Variants in GRM5 observed in about 807,000 individuals in gnomAD.
GRM5 encodes metabotropic glutamate receptor 5.
GRM5 carries 19 observed loss-of-function variants against 83.1 expected under a neutral mutation model. The ratio of observed to expected loss-of-function variants is 0.23; its 90% confidence interval spans 0.16 to 0.34. The LOEUF (loss-of-function observed/expected upper bound fraction) is 0.34, where lower values mean the gene tolerates loss of function less well. GRM5 is among the 10% of genes least tolerant of loss of function. The pLI is 1.00. For synonymous variants in GRM5, 675 were observed against 633.6 expected, an observed-to-expected ratio of 1.07 and a Z score of -0.98; for missense variants, 1,160 against 1,588.3, an observed-to-expected ratio of 0.73 and a Z score of 4.58.
intron 3 of GRM5, among the ~76,000 whole-genome samples, chr11:88,716,098 CA>C (rs1370283144): frequency 4.6e-5 from 7 of 151,634 alleles, no homozygotes; most frequent in Admixed American, 1.3e-4. Context: ...AGCATTAAGG[CA>C]AAAAAAGGAT....
intron 3 of GRM5, among the ~76,000 whole-genome samples, chr11:88,758,443 A>G (rs1942441897): frequency 6.6e-6 from 1 of 152,230 alleles, no homozygotes; most frequent in Admixed American, 6.5e-5. Flanking sequence ...TGCAATTGCA[A>G]GTACTATCAA....
chr11:88,990,202 T>C (rs1362009256), intron 2 of GRM5, among the ~76,000 whole-genome samples: 24 of 150,826 alleles, frequency 1.6e-4, no homozygotes, highest in African/African-American at 5.4e-4. Context: ...CCCACAGAAA[T>C]ACAAACTACC....
chr11:88,673,447 G>T (rs1315430803), intron 3 of GRM5, among the ~76,000 whole-genome samples: 2 of 151,844 alleles, frequency 1.3e-5, no homozygotes, highest in African/African-American at 2.4e-5. Context: ...TGAAACGCTT[G>T]TGAAACAATC....
intron 8 of GRM5, among the ~76,000 whole-genome samples, chr11:88,542,077 GGAGTCAATTAAAC>G (rs1265828904): frequency 1.3e-5 from 2 of 152,150 alleles, no homozygotes; most frequent in Non-Finnish European, 1.5e-5. Flanking sequence ...TGTGGAACTG[GGAGTCAATTAAAC>G]CTCTTTCCTT....
At chr11:88,553,513 A>T (rs1373139495) in intron 8 of GRM5, among the ~76,000 whole-genome samples, 5 of 152,168 alleles carry the variant, frequency 3.3e-5, no homozygotes, top group African/African-American at 1.2e-4. Context: ...CTAATGGGCC[A>T]AGTGTGGTCC....
intron 6 of GRM5, among the ~76,000 whole-genome samples, chr11:88,591,123 C>T (rs1301889413): frequency 6.6e-6 from 1 of 152,204 alleles, no homozygotes; most frequent in Admixed American, 6.5e-5. Flanking sequence ...ACCTTAGCTT[C>T]CTTCCCTCCA....
chr11:88,550,793 C>T (rs553615087), intron 8 of GRM5, among the ~76,000 whole-genome samples: 2 of 152,268 alleles, frequency 1.3e-5, no homozygotes, highest in South Asian at 4.1e-4. Flanking sequence ...TCAATACTGA[C>T]ATTTCATTGA....
At chr11:88,580,400 C>T (rs1335832097) in intron 7 of GRM5, among the ~76,000 whole-genome samples, 4 of 152,172 alleles carry the variant, frequency 2.6e-5, no homozygotes, top group African/African-American at 9.7e-5. Context: ...CTCTGGAGCA[C>T]TTCAGCACAA....
chr11:89,010,364 C>A (rs561094162), intron 2 of GRM5, among the ~76,000 whole-genome samples: 1 of 152,228 alleles, frequency 6.6e-6, no homozygotes, highest in East Asian at 1.9e-4. Flanking sequence ...TCAAATCTTA[C>A]AGCAAATTCA....
intron 4 of GRM5, among the ~76,000 whole-genome samples, chr11:88,626,763 T>C (rs1938808163): frequency 6.6e-6 from 1 of 152,174 alleles, no homozygotes; most frequent in Non-Finnish European, 1.5e-5. Context: ...AGCCTGTTCA[T>C]GATAGGGTTA....
chr11:89,013,741 G>A (rs571015343), intron 2 of GRM5, among the ~76,000 whole-genome samples: 16 of 152,246 alleles, frequency 1.1e-4, no homozygotes, highest in African/African-American at 3.6e-4. Context: ...ACTGAGAAAT[G>A]GTTTTTACAA....
chr11:88,773,717 C>T (rs942628719), intron 3 of GRM5, among the ~76,000 whole-genome samples: 5 of 152,088 alleles, frequency 3.3e-5, no homozygotes, highest in African/African-American at 1.2e-4. Context: ...GAATCCTTTC[C>T]CCATTTCTTG....
chr11:89,030,823 T>C lies in GRM5; in HGVS notation c.661+16389A>G, dbSNP rs1490628085. Among the ~76,000 whole-genome samples, 2 of 152,012 alleles carry C rather than the reference T, an allele frequency of 1.3e-5. 1 individual carries two copies. Among genetic ancestry groups the C allele is most frequent in the Middle Eastern group, 6.3e-3 (2 of 316 alleles). The stretch of plus-strand genomic sequence containing the variant: ...TTATTGGTAAAATATTCTAATACTA[T>C]GGACAAACACCCTATAGTTTACATG... On this transcript the variant is annotated intron_variant, in intron 2 of 9. Coordinates refer to ENST00000305447, the MANE Select transcript of GRM5 (RefSeq NM_001143831.3).
At chr11:88,745,034 T>C (rs1942104362) in intron 3 of GRM5, among the ~76,000 whole-genome samples, 1 of 152,060 alleles carries the variant, frequency 6.6e-6, no homozygotes, top group Non-Finnish European at 1.5e-5. Flanking sequence ...TTGTTATATT[T>C]TACACATAGC....
intron 3 of GRM5, among the ~76,000 whole-genome samples, chr11:88,755,314 CAT>C (rs900966151): frequency 1.3e-4 from 20 of 152,084 alleles, no homozygotes; most frequent in African/African-American, 4.8e-4. Flanking sequence ...TGGGAAAAAA[CAT>C]AAAGTAGAAC....
At chr11:88,709,007 C>T (rs560732080) in intron 3 of GRM5, among the ~76,000 whole-genome samples, 239 of 152,030 alleles carry the variant, frequency 1.6e-3, no homozygotes, top group Non-Finnish European at 3.0e-3. Context: ...CTGGTTAGCC[C>T]ATTTTTTTTT....
chr11:88,792,732 A>C (rs1341279566), intron 3 of GRM5, among the ~76,000 whole-genome samples: 2 of 152,130 alleles, frequency 1.3e-5, no homozygotes, highest in Admixed American at 6.5e-5. Context: ...ACTATAAGAC[A>C]TGGTTCTGAG....
chr11:88,888,119 C>A (rs1490499513), intron 2 of GRM5, among the ~76,000 whole-genome samples: 1 of 152,138 alleles, frequency 6.6e-6, no homozygotes, highest in Non-Finnish European at 1.5e-5. Flanking sequence ...GTGATGCCAC[C>A]AGGATTCAAG....
chr11:88,971,022 A>T (rs767136178), intron 2 of GRM5, among the ~76,000 whole-genome samples: 7 of 151,912 alleles, frequency 4.6e-5, no homozygotes, highest in Non-Finnish European at 1.0e-4. Context: ...TTCTGCTGTC[A>T]TGGTGAGGAG....
Sources: gnomAD v4.1 joint callset for allele counts (sites outside exome capture counted in the v4.1 genomes callset) on GRCh38, gnomAD v4.1.1 for gene constraint, MANE v1.5 for transcripts, NCBI Gene and HGNC (gene_info 2026-07-23, HGNC 2026-07-21) for gene names.